Variants in PTPRQ observed in about 807,000 individuals in gnomAD.
PTPRQ encodes the protein phosphatidylinositol phosphatase PTPRQ.
PTPRQ carries 199 observed loss-of-function variants against 246.0 expected under a neutral mutation model. The ratio of observed to expected loss-of-function variants is 0.81; its 90% CI spans 0.72 to 0.91. The LOEUF (loss-of-function observed/expected upper bound fraction) is 0.91. PTPRQ is among the 40% of genes least tolerant of loss of function. PTPRQ has a pLI of 0.00. For synonymous variants in PTPRQ, 869 were observed against 853.2 expected, an observed-to-expected ratio of 1.02 and a Z score of -0.32; for missense variants, 2,624 against 2,528.4, an observed-to-expected ratio of 1.04 and a Z score of -0.81.
intron 17 of PTPRQ, among the ~76,000 whole-genome samples, chr12:80,523,651 C>G (rs1450766586): frequency 6.6e-6 from 1 of 152,182 alleles, no homozygotes; most frequent in Non-Finnish European, 1.5e-5. Context: ...GCAGGGTGTT[C>G]AGTTTCCACG....
intron 6 of PTPRQ, 107 bp from the exon 7 acceptor site, chr12:80,468,603 G>T: frequency 8.6e-7 from 1 of 1,163,308 alleles, no homozygotes; most frequent in South Asian, 2.6e-5. Flanking sequence ...TTTTAAGCGC[G>T]ATATTTTATT....
chr12:80,678,434 C>A (rs1003662311), intron 43 of PTPRQ, among the ~76,000 whole-genome samples, 168 bp from the exon 44 acceptor site: 9 of 152,164 alleles, frequency 5.9e-5, no homozygotes, highest in African/African-American at 2.2e-4. Flanking sequence ...TAGAAAGCCT[C>A]CTATTTGAAA....
intron 35 of PTPRQ, among the ~76,000 whole-genome samples, chr12:80,645,265 G>A (rs1322748537): frequency 2.0e-5 from 3 of 151,922 alleles, no homozygotes; most frequent in East Asian, 1.9e-4. Flanking sequence ...AATTTATAAC[G>A]TTAGGTTATC....
chr12:80,542,770 T>C lies in PTPRQ; in HGVS notation c.3762T>C (p.Cys1254=), dbSNP rs1328991377. 2.6e-6 allele frequency: 4 copies of C among 1,549,512 alleles called. No individual in the cohort carries two copies. Among genetic ancestry groups the C allele is most frequent in the Non-Finnish European group, 8.7e-7 (1 of 1,146,076 alleles). The change falls in exon 23 of 45, where the codon TGT becomes TGC. Residue 1254 remains cysteine, a synonymous_variant. Coordinates refer to ENST00000644991, the MANE Select transcript of PTPRQ (RefSeq NM_001145026.2). The part of the protein sequence containing the change: ...APPQNLTLIN[C]TSDFVWLKWS... ...CACAAAATTTGACTTTAATCAACTG[T>C]ACTTCAGACTTTGTATGGCTGAAAT...
chr12:80,669,282 T>C (rs2121281897), intron 40 of PTPRQ, 57 bp from the exon 41 acceptor site: 2 of 1,539,102 alleles, frequency 1.3e-6, no homozygotes, highest in Middle Eastern at 1.7e-4. Flanking sequence ...AACTGTGGTA[T>C]ACATATATAT....
Position 80,549,497 on chromosome 12 carries a change from G to A in PTPRQ, c.4048G>A (p.Ala1350Thr), listed in dbSNP as rs1287075291. 1.2e-5 allele frequency: 18 copies of A among 1,550,578 alleles called. No homozygotes were observed. The highest frequency in any genetic ancestry group is 1.3e-5 in the Non-Finnish European group (15 of 1,146,384). Residue 1350 changes from alanine to threonine, a missense_variant, in exon 25 of 45, where the codon GCA (alanine) becomes ACA (threonine). Coordinates refer to ENST00000644991, the MANE Select transcript of PTPRQ (RefSeq NM_001145026.2). ...PDVVQNMQCM[A>T]TSWQSVLVKW... The stretch of plus-strand genomic sequence containing the variant: ...TGTCGTGCAGAATATGCAGTGCATG[G>A]CAACTAGCTGGCAGTCAGTTTTAGT...
At chr12:80,563,428 G>T (rs941830081) in intron 25 of PTPRQ, among the ~76,000 whole-genome samples, 1 of 151,964 alleles carries the variant, frequency 6.6e-6, no homozygotes, top group Non-Finnish European at 1.5e-5. Flanking sequence ...CCACTCGTGA[G>T]GGCAGAGCCC....
chr12:80,619,328 C>A (rs1294366837), intron 30 of PTPRQ, 56 bp from the exon 31 acceptor site: 1 of 1,495,266 alleles, frequency 6.7e-7, no homozygotes, highest in Non-Finnish European at 8.9e-7. Context: ...AAGATTTTTT[C>A]TTTTGTTGAT....
chr12:80,449,222 G>C (rs1300109787), intron 3 of PTPRQ, among the ~76,000 whole-genome samples: 8 of 151,150 alleles, frequency 5.3e-5, no homozygotes, highest in East Asian at 1.9e-4. Context: ...TGATGGGGTT[G>C]TTTGTTTTTT....
intron 10 of PTPRQ, 143 bp downstream of exon 10, chr12:80,493,598 C>A: frequency 1.6e-6 from 2 of 1,251,654 alleles, no homozygotes; most frequent in African/African-American, 1.5e-5. Context: ...GTCGGAAAAC[C>A]TCATGCAACA....
intron 35 of PTPRQ, among the ~76,000 whole-genome samples, chr12:80,646,824 TAG>T (rs1312246285): frequency 1.3e-5 from 2 of 152,120 alleles, no homozygotes; most frequent in African/African-American, 4.8e-5. Context: ...CAACTTTTGG[TAG>T]AGTTTTTCAC....
intron 8 of PTPRQ, 75 bp downstream of exon 8, chr12:80,472,326 G>C (rs547929732): frequency 8.6e-6 from 13 of 1,509,748 alleles, no homozygotes; most frequent in Admixed American, 7.1e-5. Context: ...CATGATATTA[G>C]AAGCAATTTG....
At chr12:80,504,876 T>G (rs1449633335) in intron 14 of PTPRQ, among the ~76,000 whole-genome samples, 6 of 151,934 alleles carry the variant, frequency 3.9e-5, no homozygotes, top group Admixed American at 3.9e-4. Flanking sequence ...AAAGAAGGTT[T>G]CCTTTCTGTC....
chr12:80,484,699 A>C (rs1894215853), intron 9 of PTPRQ, 94 bp downstream of exon 9: 1 of 1,437,674 alleles, frequency 7.0e-7, no homozygotes, highest in African/African-American at 1.4e-5. Context: ...CACATGTAAT[A>C]TTTGACCACT....
intron 19 of PTPRQ, among the ~76,000 whole-genome samples, chr12:80,539,408 AC>A (rs1159294648): frequency 1.3e-5 from 2 of 152,136 alleles, no homozygotes; most frequent in Non-Finnish European, 2.9e-5. Flanking sequence ...ATACTCCCAA[AC>A]TTGTTTAAAA....
Position 80,619,420 on chromosome 12 carries a change from A to G in PTPRQ, c.5267A>G (p.Tyr1756Cys). 1.9e-6 allele frequency: 3 copies of G among 1,548,072 alleles called. No individual in the cohort carries two copies. The highest frequency in any genetic ancestry group is 2.6e-6 in the Non-Finnish European group (3 of 1,144,714). ...CCAAAAACCAAACCAACCCCTATTT[A>G]TGATGCCACAGGAAAACTGCTTGTG... ...ARPKTKPTPI[Y>C]DATGKLLVTS... The change falls in exon 31 of 45, where the codon TAT becomes TGT. Residue 1756 changes from tyrosine (Y) to cysteine (C), a missense_variant. Transcript: ENST00000644991.
At chr12:80,514,402 A>ACACACACACTCTCTCTCTCT (rs552667526) in intron 17 of PTPRQ, among the ~76,000 whole-genome samples, 16 of 112,980 alleles carry the variant, frequency 1.4e-4, no homozygotes, top group African/African-American at 5.2e-4. Context: ...ACACACACAC[A>ACACACACACTCTCTCTCTCT]CTCTCTCTCT....
intron 14 of PTPRQ, 130 bp downstream of exon 14, chr12:80,496,661 A>C: frequency 8.6e-7 from 1 of 1,166,922 alleles, no homozygotes; most frequent in Non-Finnish European, 1.1e-6. Flanking sequence ...TAATCCAGAA[A>C]TTAATTTTCT....
chr12:80,446,404 T>C (rs1394653692), intron 3 of PTPRQ, among the ~76,000 whole-genome samples: 1 of 151,938 alleles, frequency 6.6e-6, no homozygotes, highest in East Asian at 1.9e-4. Flanking sequence ...CCTTGTTCTG[T>C]ATATAAAATT....
Sources: gnomAD v4.1 joint callset for allele counts (sites outside exome capture counted in the v4.1 genomes callset) on GRCh38, gnomAD v4.1.1 for gene constraint, MANE v1.5 for transcripts, NCBI Gene and HGNC (gene_info 2026-07-23, HGNC 2026-07-21) for gene names.